The following SAFB variants were observed in gnomAD, a reference collection of about 807,000 sequenced individuals.
The protein encoded by SAFB is scaffold attachment factor B.
A neutral mutation model predicts 101.6 loss-of-function variants in SAFB; 15 were observed. The ratio of observed to expected loss-of-function variants is 0.15; its 90% CI spans 0.10 to 0.23. SAFB has a LOEUF of 0.23. Among genes scored for constraint, SAFB ranks in the 10% least tolerant of loss-of-function variants. The pLI, the probability that SAFB is intolerant of heterozygous loss-of-function variation, is 1.00. For missense variants in SAFB, 930 were observed against 1,104.1 expected (o/e 0.84, Z 2.23); for synonymous variants, 449 against 407.5 (o/e 1.10, Z -1.23).
At chr19:5,655,113 C>T (rs2054026945) in intron 13 of SAFB, among the ~76,000 whole-genome samples, 1 of 152,112 alleles carries the variant, frequency 6.6e-6, no homozygotes, top group Non-Finnish European at 1.5e-5. Flanking sequence ...GCCAGCCTCC[C>T]TCTAGCCTGC....
intron 2 of SAFB, among the ~76,000 whole-genome samples, chr19:5,636,793 C>T (rs1457951168): frequency 2.6e-5 from 4 of 151,940 alleles, no homozygotes; most frequent in African/African-American, 9.7e-5. Context: ...ACCGCAACCT[C>T]CACCTCCTGG....
At position 5,667,136 on chromosome 19, in the gene SAFB, G is replaced by C; in HGVS notation, c.2425G>C (p.Glu809Gln). Residue 809 changes from glutamate to glutamine, a missense_variant, in exon 18 of 21, where the codon GAG (glutamate) becomes CAG (glutamine). Coordinates refer to ENST00000588852, the MANE Select transcript of SAFB (RefSeq NM_001201338.2). This position sits in a 1 kb window ranked among gnomAD's most constrained non-coding sequence, Gnocchi z 4.0. Reference protein sequence around the residue: ...GGYGSDKRMSEGRGLPPPPRG... With the variant: ...GGYGSDKRMSQGRGLPPPPRG... ...CTATGGCTCTGACAAGAGGATGAGC[G>C]AGGGCCGGGGGCTGCCTCCTCCCCC... The C allele has an allele frequency of 6.2e-7, 1 of 1,606,942 alleles. No individual in the cohort carries two copies. Among genetic ancestry groups the C allele is most frequent in the Non-Finnish European group, 8.5e-7 (1 of 1,174,680 alleles).
intron 2 of SAFB, among the ~76,000 whole-genome samples, chr19:5,627,853 C>G (rs2053400964): frequency 6.6e-6 from 1 of 152,180 alleles, no homozygotes; most frequent in African/African-American, 2.4e-5. Flanking sequence ...TGTCATCTTG[C>G]CTTCTGTCAA....
rs1343361888 is a variant in SAFB at position 5,668,246 on chromosome 19, C to A, written c.2709C>A (p.Ser903Arg). The part of the protein sequence containing the change: ...GGMQGGFGGQ[S>R]RGSRPSDARF... ...TGCAGGGCGGGTTTGGAGGCCAGAG[C>A]CGGGGGAGCAGGCCCAGCGATGCCC... The change falls in exon 21 of 21, where the codon AGC (serine) becomes AGA (arginine). Residue 903 changes from serine to arginine, a missense_variant. By Grantham distance (110) the Ser-to-Arg change is moderately radical. Coordinates refer to ENST00000588852, the MANE Select transcript of SAFB (RefSeq NM_001201338.2). The A allele has an allele frequency of 4.3e-6, 7 of 1,611,398 alleles. No homozygotes were observed. The highest frequency in any genetic ancestry group is 1.3e-5 in the African/African-American group (1 of 74,832).
At chr19:5,636,482 A>C (rs1467801875) in intron 2 of SAFB, among the ~76,000 whole-genome samples, 1 of 152,112 alleles carries the variant, frequency 6.6e-6, no homozygotes. Context: ...TTCCCAGCCA[A>C]CTGACCAAAA....
intron 2 of SAFB, among the ~76,000 whole-genome samples, chr19:5,631,811 C>T (rs758296703): frequency 6.6e-6 from 1 of 152,072 alleles, no homozygotes; most frequent in Non-Finnish European, 1.5e-5. Context: ...TTTGGGACAC[C>T]GACGCGGAAG....
chr19:5,630,507 C>A (rs1042586788), intron 2 of SAFB, among the ~76,000 whole-genome samples: 1 of 152,186 alleles, frequency 6.6e-6, no homozygotes, highest in Non-Finnish European at 1.5e-5. Flanking sequence ...CGGTGGCACA[C>A]GTCCGTAATC....
intron 2 of SAFB, among the ~76,000 whole-genome samples, chr19:5,634,994 C>G (rs963191025): frequency 6.6e-6 from 1 of 151,940 alleles, no homozygotes; most frequent in African/African-American, 2.4e-5. Flanking sequence ...CAAAATTAAC[C>G]GGGTGTGGTG....
chr19:5,628,624 C>T (rs2053420786), intron 2 of SAFB, among the ~76,000 whole-genome samples: 1 of 152,150 alleles, frequency 6.6e-6, no homozygotes, highest in Non-Finnish European at 1.5e-5. Flanking sequence ...GGGCCCAAAA[C>T]TAAATGAGAT....
chr19:5,639,442 C>T (rs1240403812), intron 2 of SAFB, among the ~76,000 whole-genome samples: 1 of 152,122 alleles, frequency 6.6e-6, no homozygotes, highest in Non-Finnish European at 1.5e-5. Flanking sequence ...TCTGTAATCC[C>T]AGCACTTTGG....
chr19:5,664,607 T>C (rs2054288665), intron 17 of SAFB, 168 bp downstream of exon 17: 2 of 609,562 alleles, frequency 3.3e-6, no homozygotes, highest in Admixed American at 2.7e-5. Context: ...TTGGGATTAT[T>C]TGGGGTTAGT....
At chr19:5,643,906 T>C (rs1413951224) in intron 4 of SAFB, among the ~76,000 whole-genome samples, 3 of 151,858 alleles carry the variant, frequency 2.0e-5, no homozygotes, top group Non-Finnish European at 4.4e-5. Flanking sequence ...GATGGATCAA[T>C]TTCTGTGTGT....
intron 14 of SAFB, 93 bp downstream of exon 14, chr19:5,657,440 G>A: frequency 1.2e-6 from 1 of 822,810 alleles, no homozygotes; most frequent in South Asian, 1.6e-5. Flanking sequence ...CCTGGGGTGG[G>A]ATAGAGCTGT....
chr19:5,642,221 T>G (rs2053731673), intron 4 of SAFB, among the ~76,000 whole-genome samples: 1 of 152,200 alleles, frequency 6.6e-6, no homozygotes, highest in South Asian at 2.1e-4. Context: ...ACTTGATCTG[T>G]GGTGTTATGG....
chr19:5,625,741 A>G (rs1247255561), intron 1 of SAFB, among the ~76,000 whole-genome samples: 3 of 152,214 alleles, frequency 2.0e-5, no homozygotes, highest in East Asian at 1.9e-4. Context: ...GGGCGTGCCA[A>G]GAAATTCTTA....
chr19:5,636,104 T>G (rs1311271159), intron 2 of SAFB, among the ~76,000 whole-genome samples: 1 of 151,976 alleles, frequency 6.6e-6, no homozygotes, highest in Non-Finnish European at 1.5e-5. Context: ...AGCTTTCCCC[T>G]GAGAAGGATT....
chr19:5,627,207 C>G (rs949843479), intron 2 of SAFB, among the ~76,000 whole-genome samples: 1 of 151,552 alleles, frequency 6.6e-6, no homozygotes, highest in East Asian at 2.0e-4. Context: ...GGGCGGGGCA[C>G]AGTGTCTCTC....
chr19:5,665,274 GTAGAAC>G (rs2145496928), intron 17 of SAFB: 1 of 152,262 alleles, frequency 6.6e-6, no homozygotes, highest in African/African-American at 2.4e-5. Context: ...GCAGCAAAAC[GTAGAAC>G]TAGTCTTGTG....
intron 11 of SAFB, 62 bp from the exon 12 acceptor site, chr19:5,653,999 C>A (rs189612649): frequency 3.9e-6 from 6 of 1,553,350 alleles, no homozygotes; most frequent in African/African-American, 1.4e-5. Context: ...CCTCATCCCC[C>A]CAAAGTGCTG....
Sources: gnomAD v4.1 joint callset for allele counts (sites outside exome capture counted in the v4.1 genomes callset) on GRCh38, gnomAD v4.1.1 for gene constraint, Gnocchi (gnomAD v3.1) non-coding constraint, MANE v1.5 for transcripts, NCBI Gene and HGNC (gene_info 2026-07-23, HGNC 2026-07-21) for gene names.